ZNF84: variants seen among roughly 807,000 people sequenced by gnomAD.
The protein encoded by ZNF84 is zinc finger protein 84, also known as zinc finger protein HPF2.
ZNF84 carries 12 observed loss-of-function variants against 14.8 expected under a neutral mutation model. The observed-to-expected ratio is 0.81, with a 90% CI of 0.52 to 1.31. ZNF84 has a LOEUF of 1.31. Among genes scored for constraint, ZNF84 ranks in the 50% most tolerant of loss-of-function variants. The pLI is 0.00. For synonymous variants in ZNF84, 347 were observed against 291.1 expected (o/e 1.19, Z -1.96); for missense variants, 859 against 878.6 (o/e 0.98, Z 0.28).
chr12:133,058,423 C>T lies in ZNF84; in HGVS notation c.1708C>T (p.Pro570Ser). ...TCAGAGAACTCATACTGGAGAAAAACCGTATGAATGCAGGGACTGTGAAAA... is the reference window on the plus strand; with the variant it reads ...TCAGAGAACTCATACTGGAGAAAAATCGTATGAATGCAGGGACTGTGAAAA... ...THQRTHTGEK[P>S]YECRDCEKAF... Residue 570 changes from proline to serine, a missense_variant, in exon 5 of 5, where the codon CCG (proline) becomes TCG (serine). Coordinates refer to ENST00000539354, the MANE Select transcript of ZNF84 (RefSeq NM_001289971.2). 3.1e-6 allele frequency: 5 copies of T among 1,613,960 alleles called. No homozygotes were observed. Among genetic ancestry groups the T allele is most frequent in the Non-Finnish European group, 4.2e-6 (5 of 1,179,992 alleles).
chr12:133,050,200 G>A (rs1334787745), intron 4 of ZNF84, among the ~76,000 whole-genome samples: 5 of 152,210 alleles, frequency 3.3e-5, no homozygotes, highest in Non-Finnish European at 7.3e-5. Context: ...ATGGGCTGAC[G>A]CTCCGACTAC....
chr12:133,050,913 T>C (rs1019862973), intron 4 of ZNF84, among the ~76,000 whole-genome samples: 3 of 152,212 alleles, frequency 2.0e-5, no homozygotes, highest in Non-Finnish European at 2.9e-5. Context: ...GATAAATTTC[T>C]TTCCAAAAGC....
chr12:133,059,285 C>G lies in ZNF84; in HGVS notation c.*353C>G, dbSNP rs1189618624. 1 of 359,872 alleles carries G rather than the reference C, an allele frequency of 2.8e-6. No individual in the cohort carries two copies. Among genetic ancestry groups the G allele is most frequent in the Non-Finnish European group, 5.0e-6 (1 of 201,444 alleles). 22.3% of individuals were successfully genotyped at this position (359,872 alleles called of 1,614,324 possible). On this transcript the variant is annotated 3_prime_UTR_variant, in exon 5 of 5. Coordinates refer to ENST00000539354, the MANE Select transcript of ZNF84 (RefSeq NM_001289971.2). ...AACCCCATGAATGCGGGAAATGAGG[C>G]AATATTTTTAAGAAATGACAGTTCA... is the stretch of plus-strand genomic sequence containing the variant.
At chr12:133,049,657 A>G (rs1255992898) in intron 4 of ZNF84, among the ~76,000 whole-genome samples, 1 of 151,480 alleles carries the variant, frequency 6.6e-6, no homozygotes, top group African/African-American at 2.4e-5. Context: ...TTTTTTTTGT[A>G]TTTTTAGTGG....
chr12:133,054,426 T>G (rs890732071), intron 4 of ZNF84, among the ~76,000 whole-genome samples: 10 of 152,298 alleles, frequency 6.6e-5, no homozygotes, highest in African/African-American at 2.4e-4. Flanking sequence ...TATAAATGGT[T>G]ATGTCATGAG....
At chr12:133,047,860 C>G (rs1314245804) in intron 2 of ZNF84, 95 bp from the exon 3 acceptor site, 1 of 1,418,034 alleles carries the variant, frequency 7.1e-7, no homozygotes, top group Non-Finnish European at 9.7e-7. Context: ...TTTTGTATAA[C>G]TTGTTATGAG....
chr12:133,052,999 A>G (rs1954097799), intron 4 of ZNF84, among the ~76,000 whole-genome samples: 2 of 152,256 alleles, frequency 1.3e-5, no homozygotes, highest in African/African-American at 4.8e-5. Flanking sequence ...TGGGAACTAG[A>G]CCATACTCAA....
In ZNF84 at chr12:133,062,183, T is replaced by C. The variant is rs1277042491; in HGVS notation, c.*3251T>C. The C allele has an allele frequency of 6.6e-6, 1 of 152,204 alleles. No homozygotes were observed. The highest frequency in any genetic ancestry group is 1.5e-5 in the Non-Finnish European group (1 of 68,028). The allele number at this position is 152,204 out of a possible 1,614,324, so 9.4% of individuals were successfully genotyped here. On this transcript the variant is annotated 3_prime_UTR_variant, in exon 5 of 5. Coordinates refer to ENST00000539354, the MANE Select transcript of ZNF84 (RefSeq NM_001289971.2). ...GTTCTACAAAGGACAATTGACATTG[T>C]TTTCCTTTTACTAAGTAGTGGGTTT...
At chr12:133,045,233 G>A (rs1445165799) in intron 2 of ZNF84, among the ~76,000 whole-genome samples, 9 of 152,176 alleles carry the variant, frequency 5.9e-5, no homozygotes, top group Admixed American at 5.9e-4. Flanking sequence ...CACTTTGGGA[G>A]GCCGAGGTGG....
At chr12:133,042,989 A>G (rs1185594305) in intron 2 of ZNF84, among the ~76,000 whole-genome samples, 1 of 152,008 alleles carries the variant, frequency 6.6e-6, no homozygotes, top group East Asian at 1.9e-4. Context: ...CCATTTCCTG[A>G]CTTTATAGTT....
intron 4 of ZNF84, among the ~76,000 whole-genome samples, chr12:133,051,547 C>G (rs1207663833): frequency 6.6e-6 from 1 of 152,146 alleles, no homozygotes; most frequent in Non-Finnish European, 1.5e-5. Flanking sequence ...GGCAGAGTCT[C>G]GAAGAACCCA....
At position 133,057,269 on chromosome 12, in the gene ZNF84, A is replaced by G; in HGVS notation, c.554A>G (p.Tyr185Cys). ...TTAAAATACTATGACTGTGATAAAT[A>G]TAAAGAGAGCTATAAAAAGTCACAG... ...TWLKYYDCDK[Y>C]KESYKKSQII... The change falls in exon 5 of 5, where the codon TAT becomes TGT. Residue 185 changes from tyrosine (Y) to cysteine (C), a missense_variant. Transcript: ENST00000539354. 1 of 1,613,790 alleles carries G rather than the reference A, an allele frequency of 6.2e-7. No homozygotes were observed. The highest frequency in any genetic ancestry group is 8.5e-7 in the Non-Finnish European group (1 of 1,179,922).
At position 133,062,453 on chromosome 12, in the gene ZNF84, A is replaced by G. The variant is rs1359657527; in HGVS notation, c.*3521A>G. 6.6e-6 allele frequency: 1 copy of G among 152,284 alleles called. No individual in the cohort carries two copies. Among genetic ancestry groups the G allele is most frequent in the Non-Finnish European group, 1.5e-5 (1 of 68,092 alleles). 9.4% of individuals were successfully genotyped at this position (152,284 alleles called of 1,614,324 possible). The stretch of plus-strand genomic sequence containing the variant: ...ATCTGCATTTGAGACCTCTGCAGTC[A>G]TTTGGTCATTCCAGCAATCTATGTC... On this transcript the variant is annotated 3_prime_UTR_variant, in exon 5 of 5. Coordinates refer to ENST00000539354, the MANE Select transcript of ZNF84 (RefSeq NM_001289971.2).
rs13678 is a variant in ZNF84, at chr12:133,063,019, T to G, written c.*4087T>G. 654,524 of 687,166 alleles carry G rather than the reference T, an allele frequency of 0.95. 312,249 individuals are homozygous for G. Among genetic ancestry groups the G allele is most frequent in the East Asian group, 1 (37,043 of 37,070 alleles). 42.6% of individuals were successfully genotyped at this position (687,166 alleles called of 1,614,324 possible). On this transcript the variant is annotated 3_prime_UTR_variant, in exon 5 of 5. Coordinates refer to ENST00000539354, the MANE Select transcript of ZNF84 (RefSeq NM_001289971.2). ...CACTAGAAAGCTTCTAGAAAGCTAG[T>G]ACTATCTTTTTTGTCTGTGTAATTT...
At chr12:133,056,243 A>AT (rs1251638408) in intron 4 of ZNF84, among the ~76,000 whole-genome samples, 3 of 151,916 alleles carry the variant, frequency 2.0e-5, no homozygotes, top group African/African-American at 7.2e-5. Context: ...ACAGGAACTT[A>AT]TTTTTTTATT....
chr12:133,046,975 A>T (rs1300540978), intron 2 of ZNF84, among the ~76,000 whole-genome samples: 2 of 143,876 alleles, frequency 1.4e-5, no homozygotes, highest in African/African-American at 2.5e-5. Flanking sequence ...TATATTATTT[A>T]TATATATATA....
chr12:133,048,225 G>A lies in ZNF84; in HGVS notation c.142+144G>A. The stretch of plus-strand genomic sequence containing the variant: ...CCTGAAACTTAGATCACAGTTGCTT[G>A]GACTATGACACCAAGAAAGTATTTG... On this transcript the variant is annotated intron_variant, in intron 3 of 4. Coordinates refer to ENST00000539354, the MANE Select transcript of ZNF84 (RefSeq NM_001289971.2). The A allele has an allele frequency of 4.3e-6, 3 of 690,612 alleles. No individual in the cohort carries two copies. The South Asian group carries it at 6.6e-5, about 15-fold the overall frequency. The allele number at this position is 690,612 out of a possible 1,614,324, so 42.8% of individuals were successfully genotyped here.
chr12:133,044,323 T>G (rs1001581898), intron 2 of ZNF84, among the ~76,000 whole-genome samples: 9 of 151,492 alleles, frequency 5.9e-5, no homozygotes, highest in African/African-American at 9.7e-5. Context: ...TTAAATTTTT[T>G]TTTTTTTTTT....
intron 3 of ZNF84, 68 bp downstream of exon 3, chr12:133,048,149 G>T: frequency 6.8e-7 from 1 of 1,463,004 alleles, no homozygotes; most frequent in Non-Finnish European, 9.2e-7. Flanking sequence ...TAGTTGCTGG[G>T]AAGTTTCAGA....
Sources: allele counts gnomAD v4.1 joint callset (sites outside exome capture counted in the v4.1 genomes callset), GRCh38; gene constraint gnomAD v4.1.1; transcripts MANE v1.5; gene names NCBI Gene and HGNC (gene_info 2026-07-23, HGNC 2026-07-21).